LPP: variants seen among roughly 807,000 people sequenced by gnomAD.
LPP encodes LIM domain containing preferred translocation partner in lipoma, also known as lipoma-preferred partner.
Under a neutral mutation model 60.4 loss-of-function variants are expected in LPP, and 38 were observed. The ratio of observed to expected loss-of-function variants is 0.63; its 90% CI spans 0.49 to 0.83. The LOEUF is 0.83. Among genes scored for constraint, LPP ranks in the 40% least tolerant of loss-of-function variants. The pLI is 0.00. For synonymous variants in LPP, 328 were observed against 290.8 expected (o/e 1.13, Z -1.30); for missense variants, 902 against 783.6 (o/e 1.15, Z -1.80).
chr3:188,387,888 A>G (rs931539680), intron 3 of LPP, among the ~76,000 whole-genome samples: 32 of 147,326 alleles, frequency 2.2e-4, no homozygotes, highest in African/African-American at 7.8e-4. Flanking sequence ...TTTTATGGTT[A>G]TTTCTATCTA....
chr3:188,765,273 CTT>C, intron 9 of LPP, among the ~76,000 whole-genome samples: 1 of 148,512 alleles, frequency 6.7e-6, no homozygotes. Context: ...GTCTGTGCCT[CTT>C]GTCTCTCTTT....
At chr3:188,751,087 G>C (rs1326023274) in intron 8 of LPP, among the ~76,000 whole-genome samples, 1 of 152,152 alleles carries the variant, frequency 6.6e-6, no homozygotes, top group African/African-American at 2.4e-5. Flanking sequence ...CAAATATAAG[G>C]GATGCTTGAT....
intron 9 of LPP, among the ~76,000 whole-genome samples, chr3:188,822,392 G>A (rs373076311): frequency 6.6e-6 from 1 of 152,178 alleles, no homozygotes; most frequent in South Asian, 2.1e-4. Context: ...AAGAGGGTTG[G>A]AAGGGACAGA....
rs541253126 is a variant in LPP, at chr3:188,678,242, G to A, written c.1114-30025G>A. On this transcript the variant is annotated intron_variant, in intron 7 of 11. Transcript: ENST00000617246. ...GCTTTCCTCAATTCTGAATGAATGA[G>A]CAGATGAGGATGCTGAAATGTTAGC... Among the ~76,000 whole-genome samples the A allele has an allele frequency of 8.5e-4, 130 of 152,332 alleles. 1 individual carries two copies. The Middle Eastern group carries it at 0.014, about 16-fold the overall frequency.
intron 6 of LPP, among the ~76,000 whole-genome samples, chr3:188,602,624 T>A (rs1841594706): frequency 6.6e-6 from 1 of 151,688 alleles, no homozygotes; most frequent in South Asian, 2.1e-4. Flanking sequence ...TTTTTGAGAG[T>A]CAGAGTATCT....
At chr3:188,357,611 C>T (rs995258699) in intron 3 of LPP, among the ~76,000 whole-genome samples, 1 of 152,082 alleles carries the variant, frequency 6.6e-6, no homozygotes, top group Non-Finnish European at 1.5e-5. Context: ...GATATTTATC[C>T]AAAATTCTGG....
At chr3:188,232,147 C>A (rs573897972) in intron 2 of LPP, among the ~76,000 whole-genome samples, 1 of 152,112 alleles carries the variant, frequency 6.6e-6, no homozygotes, top group African/African-American at 2.4e-5. Context: ...ATGACAGGTT[C>A]CCTTAGAGTC....
intron 9 of LPP, among the ~76,000 whole-genome samples, chr3:188,852,164 A>T (rs888723009): frequency 3.9e-5 from 6 of 152,194 alleles, no homozygotes; most frequent in African/African-American, 1.4e-4. Flanking sequence ...ACTCTGTCTC[A>T]AAAAAGACAA....
Position 188,361,952 on chromosome 3 carries a change from T to C in LPP, c.-10+20233T>C, listed in dbSNP as rs150237883. Among the ~76,000 whole-genome samples the C allele has an allele frequency of 1.5e-4, 23 of 152,270 alleles. 1 individual carries two copies. The highest frequency in any genetic ancestry group is 5.1e-4 in the African/African-American group (21 of 41,560). On this transcript the variant is annotated intron_variant, in intron 3 of 11. Transcript: ENST00000617246. ...GGTCTGCCACCAAGGAATAAAAATA[T>C]GGCTAAATGTACTTCCTTTCCTCCC...
chr3:188,803,418 C>T (rs1055308220), intron 9 of LPP, among the ~76,000 whole-genome samples: 1 of 152,130 alleles, frequency 6.6e-6, no homozygotes, highest in Non-Finnish European at 1.5e-5. Flanking sequence ...CATAGTTTAT[C>T]TTCTTCTAGA....
At chr3:188,433,287 T>C (rs1791410060) in intron 4 of LPP, among the ~76,000 whole-genome samples, 1 of 152,118 alleles carries the variant, frequency 6.6e-6, no homozygotes, top group African/African-American at 2.4e-5. Flanking sequence ...TGTCCCTGTG[T>C]GAAAAATAAC....
At chr3:188,593,635 T>C (rs540203054) in intron 6 of LPP, among the ~76,000 whole-genome samples, 1 of 152,274 alleles carries the variant, frequency 6.6e-6, no homozygotes, top group South Asian at 2.1e-4. Context: ...CATTGTATCA[T>C]TCTTATGCCT....
At chr3:188,701,944 C>CTTTTTTTTTTT (rs35803152) in intron 7 of LPP, among the ~76,000 whole-genome samples, 46 of 83,550 alleles carry the variant, frequency 5.5e-4, no homozygotes, top group South Asian at 1.1e-3. Flanking sequence ...GTTTTTTTCC[C>CTTTTTTTTTTT]TTTTTTTTTT....
At chr3:188,848,964 CA>C (rs58073326) in intron 9 of LPP, among the ~76,000 whole-genome samples, 3,636 of 119,346 alleles carry the variant, frequency 0.03, 125 homozygotes, top group African/African-American at 0.1. Flanking sequence ...GACTCTGTCT[CA>C]AAAAAAAAAA....
intron 2 of LPP, among the ~76,000 whole-genome samples, chr3:188,274,965 G>A (rs1577758117): frequency 6.6e-6 from 1 of 152,202 alleles, no homozygotes. Flanking sequence ...CATGAAAATT[G>A]ACAGTCAAGC....
intron 9 of LPP, among the ~76,000 whole-genome samples, chr3:188,771,762 A>C (rs1033154710): frequency 6.6e-6 from 1 of 152,166 alleles, no homozygotes; most frequent in Admixed American, 6.5e-5. Flanking sequence ...CAAATCTGCA[A>C]GAGAGAATTT....
intron 4 of LPP, among the ~76,000 whole-genome samples, chr3:188,460,518 T>C (rs1798740827): frequency 6.6e-6 from 1 of 152,234 alleles, no homozygotes; most frequent in South Asian, 2.1e-4. Flanking sequence ...TTCTCTTTAA[T>C]CTTTTGCGGC....
At chr3:188,785,309 TC>T (rs1285660547) in intron 9 of LPP, among the ~76,000 whole-genome samples, 31 of 20,220 alleles carry the variant, frequency 1.5e-3, no homozygotes, top group South Asian at 9.3e-3. Flanking sequence ...ATATATATAT[TC>T]CATCATATAT....
chr3:188,855,094 T>C (rs1763512769), intron 9 of LPP, among the ~76,000 whole-genome samples: 2 of 152,234 alleles, frequency 1.3e-5, no homozygotes. Flanking sequence ...AGACAAATAC[T>C]GTAAGTAAAA....
Sources: allele counts gnomAD v4.1 joint callset (sites outside exome capture counted in the v4.1 genomes callset), GRCh38; gene constraint gnomAD v4.1.1; transcripts MANE v1.5; gene names NCBI Gene and HGNC (gene_info 2026-07-23, HGNC 2026-07-21).